Variants in RBFOX1 observed in about 807,000 individuals in gnomAD.
RBFOX1 encodes the protein RNA binding protein fox-1 homolog 1.
In RBFOX1, 8 loss-of-function variants were observed where a neutral mutation model predicts 57.7. The observed-to-expected ratio is 0.14, with a 90% confidence interval of 0.08 to 0.25. The LOEUF (loss-of-function observed/expected upper bound fraction) is 0.25, where lower values mean the gene tolerates loss of function less well. Among genes scored for constraint, RBFOX1 ranks in the 10% least tolerant of loss-of-function variants. The pLI is 1.00. For missense variants in RBFOX1, 611 were observed against 548.5 expected, an observed-to-expected ratio of 1.11 and a Z score of -1.14; for synonymous variants, 326 against 222.4, an observed-to-expected ratio of 1.47 and a Z score of -4.15.
At chr16:6,397,135 A>T (rs1384775541) in intron 2 of RBFOX1, among the ~76,000 whole-genome samples, 1 of 152,234 alleles carries the variant, frequency 6.6e-6, no homozygotes, top group Admixed American at 6.5e-5. Context: ...TGCATAAGTA[A>T]TAGTTGAAAT....
intron 3 of RBFOX1, among the ~76,000 whole-genome samples, chr16:5,814,914 C>T (rs189723673): frequency 1.3e-4 from 20 of 151,110 alleles, no homozygotes; most frequent in East Asian, 9.7e-4. Context: ...CCGGCCTGGG[C>T]GACAGAGCGA....
At chr16:7,178,482 T>C (rs771914077) in intron 4 of RBFOX1, among the ~76,000 whole-genome samples, 1 of 152,200 alleles carries the variant, frequency 6.6e-6, no homozygotes, top group African/African-American at 2.4e-5. Context: ...ATAAATTGAT[T>C]CAATTGATGT....
intron 1 of RBFOX1, among the ~76,000 whole-genome samples, chr16:6,049,161 T>C (rs1235064762): frequency 6.6e-6 from 1 of 151,214 alleles, no homozygotes; most frequent in Non-Finnish European, 1.5e-5. Flanking sequence ...TTTCTGGGGT[T>C]CAAGTGATTC....
intron 1 of RBFOX1, among the ~76,000 whole-genome samples, chr16:5,416,103 T>A (rs1203764096): frequency 1.3e-5 from 2 of 152,192 alleles, no homozygotes; most frequent in Admixed American, 1.3e-4. Context: ...CGCCTGTACA[T>A]CTCGTTTATG....
intron 1 of RBFOX1, among the ~76,000 whole-genome samples, chr16:6,171,812 TTTTA>T (rs370403385): frequency 6.6e-6 from 1 of 151,412 alleles, no homozygotes; most frequent in Non-Finnish European, 1.5e-5. Context: ...CTTATTTTTA[TTTTA>T]TTTATTTATT....
intron 3 of RBFOX1, among the ~76,000 whole-genome samples, chr16:6,989,137 C>T (rs1386725293): frequency 6.6e-6 from 1 of 152,124 alleles, no homozygotes; most frequent in East Asian, 1.9e-4. Flanking sequence ...CTCAAGTGAT[C>T]TGCCCGCCTC....
intron 3 of RBFOX1, among the ~76,000 whole-genome samples, chr16:6,968,000 G>A (rs1198596905): frequency 6.6e-6 from 1 of 152,208 alleles, no homozygotes; most frequent in East Asian, 1.9e-4. Flanking sequence ...ACAGCGGGAA[G>A]GTGCTGCCTC....
At chr16:6,633,139 G>T (rs1262838236) in intron 2 of RBFOX1, among the ~76,000 whole-genome samples, 1 of 152,204 alleles carries the variant, frequency 6.6e-6, no homozygotes, top group Non-Finnish European at 1.5e-5. Context: ...TGCAGCTGAC[G>T]TGCACCCCTG....
intron 4 of RBFOX1, among the ~76,000 whole-genome samples, chr16:7,477,081 C>T (rs546106227): frequency 6.6e-5 from 10 of 152,228 alleles, no homozygotes; most frequent in Admixed American, 6.5e-4. Context: ...CTTTATTTTC[C>T]TTCCCCCACA....
At chr16:7,334,604 C>A (rs1227192922) in intron 4 of RBFOX1, among the ~76,000 whole-genome samples, 3 of 152,148 alleles carry the variant, frequency 2.0e-5, no homozygotes, top group Non-Finnish European at 4.4e-5. Flanking sequence ...GGAAAAATAA[C>A]GGCACCCACT....
At chr16:5,454,744 T>TTTTTCTTTTCTTTCTTTCCTTTTCTTTTC (rs145711376) in intron 1 of RBFOX1, among the ~76,000 whole-genome samples, 3 of 118,776 alleles carry the variant, frequency 2.5e-5, no homozygotes, top group African/African-American at 1.0e-4. Flanking sequence ...TCTTTCTTTC[T>TTTTTCTTTTCTTTCTTTCCTTTTCTTTTC]TTTTCTTTTC....
intron 1 of RBFOX1, among the ~76,000 whole-genome samples, chr16:6,212,251 AATAGT>A (rs2097303316): frequency 1.3e-5 from 2 of 152,196 alleles, no homozygotes; most frequent in Admixed American, 1.3e-4. Context: ...AAAGTTGTAT[AATAGT>A]ATATATACTA....
intron 4 of RBFOX1, among the ~76,000 whole-genome samples, chr16:7,389,194 C>CA (rs1245384221): frequency 6.6e-6 from 1 of 152,134 alleles, no homozygotes; most frequent in African/African-American, 2.4e-5. Context: ...GGTGTGATCA[C>CA]AGCTCATGGC....
intron 3 of RBFOX1, among the ~76,000 whole-genome samples, chr16:5,706,898 C>T (rs1051325029): frequency 1.3e-5 from 2 of 152,032 alleles, no homozygotes; most frequent in Admixed American, 1.3e-4. Context: ...TCCTCCAGCC[C>T]TAGCCTAAGC....
intron 4 of RBFOX1, among the ~76,000 whole-genome samples, chr16:7,503,282 G>A (rs930925857): frequency 6.6e-6 from 1 of 152,132 alleles, no homozygotes; most frequent in African/African-American, 2.4e-5. Context: ...CGGCAGAGTT[G>A]CTGTCTCTCT....
chr16:7,002,400 A>G (rs1370100161), intron 3 of RBFOX1, among the ~76,000 whole-genome samples: 1 of 152,316 alleles, frequency 6.6e-6, no homozygotes, highest in South Asian at 2.1e-4. Context: ...TCCAGCAAGA[A>G]AGAGATTTAA....
At chr16:6,682,248 A>T (rs1466389592) in intron 3 of RBFOX1, among the ~76,000 whole-genome samples, 2 of 151,976 alleles carry the variant, frequency 1.3e-5, no homozygotes, top group African/African-American at 2.4e-5. Flanking sequence ...TTCAGCTCCC[A>T]CTCTCAGATA....
chr16:6,899,022 T>TATA (rs1488667263), intron 3 of RBFOX1, among the ~76,000 whole-genome samples: 9 of 140,834 alleles, frequency 6.4e-5, no homozygotes, highest in African/African-American at 2.3e-4. Context: ...CGCGTCTCTG[T>TATA]GTGTGTGTAT....
intron 4 of RBFOX1, among the ~76,000 whole-genome samples, chr16:5,983,560 A>G (rs909274051): frequency 4.6e-5 from 7 of 152,158 alleles, no homozygotes; most frequent in Non-Finnish European, 8.8e-5. Context: ...GTGGTGCAGG[A>G]AACGCTAGCA....
Sources: gnomAD v4.1 joint callset for allele counts (sites outside exome capture counted in the v4.1 genomes callset) on GRCh38, gnomAD v4.1.1 for gene constraint, MANE v1.5 for transcripts, NCBI Gene and HGNC (gene_info 2026-07-23, HGNC 2026-07-21) for gene names.